The following ATOSA variants were observed in gnomAD, a reference collection of about 807,000 sequenced individuals.
The protein encoded by ATOSA is atos homolog protein A.
the ATOSA span, among the ~76,000 whole-genome samples, chr15:52,614,406 T>C: frequency 1.1e-4 from 17 of 151,758 alleles, no homozygotes; most frequent in African/African-American, 4.1e-4. Flanking sequence ...GAGCCTGGCC[T>C]ATAATTACAT....
At chr15:52,652,215 G>A in the ATOSA span, among the ~76,000 whole-genome samples, 2 of 152,164 alleles carry the variant, frequency 1.3e-5, no homozygotes, top group Admixed American at 6.5e-5. Flanking sequence ...CTGTGTTTAG[G>A]CAACTTGAAA....
chr15:52,677,907 A>G, the ATOSA span: 2 of 1,459,682 alleles, frequency 1.4e-6, no homozygotes, highest in African/African-American at 2.8e-5. Flanking sequence ...ATGATACAGA[A>G]ATAGTTGATC....
the ATOSA span, among the ~76,000 whole-genome samples, chr15:52,693,111 C>T: frequency 6.6e-6 from 1 of 152,028 alleles, no homozygotes; most frequent in African/African-American, 2.4e-5. Flanking sequence ...GACATACAAA[C>T]GGAAAGATTG....
the ATOSA span, among the ~76,000 whole-genome samples, chr15:52,614,242 A>C: frequency 6.6e-6 from 1 of 151,984 alleles, no homozygotes; most frequent in African/African-American, 2.4e-5. Context: ...AGTAGCTGGG[A>C]TTACAGGCAT....
At chr15:52,644,099 T>A in the ATOSA span, among the ~76,000 whole-genome samples, 83 of 151,884 alleles carry the variant, frequency 5.5e-4, 1 homozygote, top group South Asian at 1.5e-3. Flanking sequence ...TTTTTTTTTT[T>A]AATTTTTGGA....
At chr15:52,705,718 C>T in the ATOSA span, among the ~76,000 whole-genome samples, 1 of 152,172 alleles carries the variant, frequency 6.6e-6, no homozygotes, top group Admixed American at 6.6e-5. Flanking sequence ...GAACAGGGCT[C>T]TCTTATCTTT....
the ATOSA span, among the ~76,000 whole-genome samples, chr15:52,665,001 A>C: frequency 6.6e-6 from 1 of 152,154 alleles, no homozygotes. Context: ...AAAAGAAAAA[A>C]ACTATTGTTC....
the ATOSA span, among the ~76,000 whole-genome samples, chr15:52,696,871 C>T: frequency 1.3e-5 from 2 of 150,942 alleles, no homozygotes; most frequent in African/African-American, 4.9e-5. Context: ...AATATTTAAC[C>T]TAATATAAAT....
the ATOSA span, among the ~76,000 whole-genome samples, chr15:52,661,941 A>AAAC: frequency 6.6e-6 from 1 of 151,254 alleles, no homozygotes; most frequent in African/African-American, 2.4e-5. Context: ...CAAAAAAAAA[A>AAAC]AAAAAAAAAA....
chr15:52,647,494 C>T, the ATOSA span, among the ~76,000 whole-genome samples: 13 of 152,336 alleles, frequency 8.5e-5, no homozygotes, highest in East Asian at 1.9e-3. Context: ...CAATTACACT[C>T]GTATCTGTGA....
chr15:52,703,144 C>G, the ATOSA span, among the ~76,000 whole-genome samples: 2 of 151,930 alleles, frequency 1.3e-5, no homozygotes, highest in African/African-American at 4.8e-5. Flanking sequence ...TGAAAGAAAC[C>G]AGATAAAAGA....
At chr15:52,661,828 C>A in the ATOSA span, among the ~76,000 whole-genome samples, 3 of 140,352 alleles carry the variant, frequency 2.1e-5, no homozygotes, top group Non-Finnish European at 4.5e-5. Context: ...TTCTTTACTT[C>A]AATTTCTGAA....
the ATOSA span, among the ~76,000 whole-genome samples, chr15:52,585,651 G>A: frequency 6.6e-6 from 1 of 152,082 alleles, no homozygotes; most frequent in African/African-American, 2.4e-5. Flanking sequence ...TATTATTATA[G>A]ACCAAAATAT....
the ATOSA span, among the ~76,000 whole-genome samples, chr15:52,622,037 G>A: frequency 1.3e-5 from 2 of 151,928 alleles, no homozygotes; most frequent in Middle Eastern, 3.2e-3. Context: ...AGTAGAGATG[G>A]GGTTTCACTA....
At chr15:52,584,145 CT>C in the ATOSA span, among the ~76,000 whole-genome samples, 2,579 of 125,254 alleles carry the variant, frequency 0.021, 27 homozygotes, top group South Asian at 0.058. Flanking sequence ...GCTCATATTA[CT>C]TTTTTTTTTT....
At chr15:52,599,508 T>G in the ATOSA span, among the ~76,000 whole-genome samples, 1 of 152,178 alleles carries the variant, frequency 6.6e-6, no homozygotes, top group African/African-American at 2.4e-5. Flanking sequence ...AATTATTTTC[T>G]CCTAAAAAAC....
the ATOSA span, among the ~76,000 whole-genome samples, chr15:52,648,275 A>G: frequency 6.6e-6 from 1 of 152,146 alleles, no homozygotes; most frequent in South Asian, 2.1e-4. Flanking sequence ...TATGCCCAAT[A>G]TTACACAGCT....
chr15:52,658,801 C>CAAAAAAAAAAAAAAAAAAAAAAA, the ATOSA span: 1 of 223,960 alleles, frequency 4.5e-6, no homozygotes, highest in Non-Finnish European at 7.1e-6. Flanking sequence ...CTCGTTTCTA[C>CAAAAAAAAAAAAAAAAAAAAAAA]AAAAAAAAAA....
At chr15:52,596,656 A>C in the ATOSA span, among the ~76,000 whole-genome samples, 1 of 152,208 alleles carries the variant, frequency 6.6e-6, no homozygotes, top group East Asian at 1.9e-4. Context: ...GTACTATTGG[A>C]ATCAAGTGGG....
Sources: gnomAD v4.1 joint callset for allele counts (sites outside exome capture counted in the v4.1 genomes callset) on GRCh38, gnomAD v4.1.1 for gene constraint, MANE v1.5 for transcripts, NCBI Gene and HGNC (gene_info 2026-07-23, HGNC 2026-07-21) for gene names.